HARS1: variants seen among roughly 807,000 people sequenced by gnomAD.
HARS1 encodes the protein histidyl-tRNA synthetase 1, also known as histidine--tRNA ligase, cytoplasmic.
HARS1 carries 45 observed loss-of-function variants against 63.6 expected under a neutral mutation model. The observed-to-expected ratio is 0.71, with a 90% CI of 0.56 to 0.91. The LOEUF is 0.91. Ranked by LOEUF, HARS1 falls within the 40% of genes least tolerant of loss-of-function variation. The pLI is 0.00. For missense variants in HARS1, 508 were observed against 643.2 expected (o/e 0.79, Z 2.27); for synonymous variants, 205 against 247.1 (o/e 0.83, Z 1.60).
intron 3 of HARS1, among the ~76,000 whole-genome samples, chr5:140,680,723 C>A (rs929151986): frequency 8.6e-5 from 13 of 151,960 alleles, no homozygotes; most frequent in African/African-American, 2.9e-4. Context: ...GGCATCTAAT[C>A]CCAGCTATTC....
Position 140,674,275 on chromosome 5 carries a change from C to T in HARS1, c.1512G>A (p.Gln504=), listed in dbSNP as rs368813043. The T allele has an allele frequency of 6.2e-7, 1 of 1,610,052 alleles. No homozygotes were observed. The highest frequency in any genetic ancestry group is 8.5e-7 in the Non-Finnish European group (1 of 1,176,228). ...LVEEIKRRTG[Q]PLCIC The stretch of plus-strand genomic sequence containing the variant: ...GTTCAGTTCAGCAGATGCAGAGGGG[C>T]TGGCCTGTTCTCCTTTTGATTTCCT... The change falls in exon 13 of 13, where the codon CAG becomes CAA. Residue 504 remains glutamine, a synonymous_variant. Transcript: ENST00000504156.
At position 140,677,950 on chromosome 5, in the gene HARS1, G is replaced by A. The variant is rs2230361; in HGVS notation, c.588C>T (p.Cys196=). The part of the protein sequence containing the change: ...IPDAECLKIM[C]EILSSLQIGD... ...CTATCTGAAGTGAACTCAGGATCTCGCACATGATCTTCAGGCACTCTGCAT... is the reference window on the plus strand; with the variant it reads ...CTATCTGAAGTGAACTCAGGATCTCACACATGATCTTCAGGCACTCTGCAT... The change falls in exon 6 of 13, where the codon TGC becomes TGT. Residue 196 remains cysteine (C), a synonymous_variant. Transcript: ENST00000504156. 124,436 of 1,610,300 alleles carry A rather than the reference G, an allele frequency of 0.077. 5,313 individuals carry two copies. The highest frequency in any genetic ancestry group is 0.11 in the Admixed American group (6,860 of 59,916).
intron 2 of HARS1, chr5:140,685,197 A>AAAG (rs1347017379): frequency 9.9e-5 from 15 of 151,868 alleles, no homozygotes. Flanking sequence ...AAAAAAAAAA[A>AAAG]AGAACAATTA....
Position 140,677,783 on chromosome 5 carries a change from G to C in HARS1, c.631-30C>G, listed in dbSNP as rs780709796. The C allele has an allele frequency of 3.4e-6, 5 of 1,490,212 alleles. No homozygotes were observed. The East Asian group carries it at 1.1e-4, about 34-fold the overall frequency. The allele number at this position is 1,490,212 out of a possible 1,614,324, so 92.3% of individuals were successfully genotyped here. A position where few individuals can be genotyped will look rare whatever the true frequency, so the allele number is the denominator to read the frequency against. On this transcript the variant is annotated intron_variant, in intron 6 of 12. Coordinates refer to ENST00000504156, the MANE Select transcript of HARS1 (RefSeq NM_002109.6). Reference sequence around the variant, plus strand: ...AAGGAACCAATGCATAGTGAGGGGGGAATCTCTTTTCTTACATGACCTGCA... The same window carrying C: ...AAGGAACCAATGCATAGTGAGGGGGCAATCTCTTTTCTTACATGACCTGCA...
intron 2 of HARS1, among the ~76,000 whole-genome samples, chr5:140,687,034 A>C (rs1759080325): frequency 6.6e-6 from 1 of 152,234 alleles, no homozygotes; most frequent in Non-Finnish European, 1.5e-5. Context: ...TAAGTTTGAA[A>C]AACCATAATT....
chr5:140,674,244 T>TA lies in HARS1; in HGVS notation c.*12dup, dbSNP rs751308211. On this transcript the variant is annotated 3_prime_UTR_variant, in exon 13 of 13. Coordinates refer to ENST00000504156, the MANE Select transcript of HARS1 (RefSeq NM_002109.6). ...GCCAGTCCCACTTCCTTTCCTCTGA[T>TA]AGTTTGTTCAGTTCAGCAGATGCAG... 5 of 1,545,790 alleles carry TA rather than the reference T, an allele frequency of 3.2e-6. No homozygotes were observed. The highest frequency in any genetic ancestry group is 2.7e-5 in the African/African-American group (2 of 73,566).
intron 3 of HARS1, 87 bp downstream of exon 3, chr5:140,683,013 T>C: frequency 7.6e-7 from 1 of 1,313,426 alleles, no homozygotes; most frequent in Non-Finnish European, 1.1e-6. Flanking sequence ...AGTGGGCCCT[T>C]TGGACCCTCA....
rs184748736 is a variant in HARS1 at position 140,683,234 on chromosome 5, C to G, written c.181-15G>C. On this transcript the variant is annotated splice_polypyrimidine_tract_variant and intron_variant, in intron 2 of 12. Transcript: ENST00000504156. ...TCTCTTGTGCCCTTGGAGTTGAAAT[C>G]AGCCAGAGAACCAGAAATGAGGTTT... 1,095 of 1,611,708 alleles carry G rather than the reference C, an allele frequency of 6.8e-4. 6 individuals are homozygous for G. In the African/African-American group the frequency reaches 0.013, roughly 19 times the overall value.
At chr5:140,680,630 G>C (rs538268537) in intron 3 of HARS1, among the ~76,000 whole-genome samples, 1 of 152,110 alleles carries the variant, frequency 6.6e-6, no homozygotes, top group African/African-American at 2.4e-5. Context: ...GATCACCTGA[G>C]GTCAGGAGTT....
In HARS1 at chr5:140,673,973, C is replaced by G. The variant is rs1346250392; in HGVS notation, c.*284G>C. The G allele has an allele frequency of 1.7e-6, 1 of 572,810 alleles. No homozygotes were observed. Among genetic ancestry groups the G allele is most frequent in the Admixed American group, 3.0e-5 (1 of 32,984 alleles). 35.5% of individuals were successfully genotyped at this position (572,810 alleles called of 1,614,324 possible). A position where few individuals can be genotyped will look rare whatever the true frequency, so the allele number is the denominator to read the frequency against. ...GGGGAGGCATCTGCTCCAACTGGTG[C>G]GGGGCCCTGCAGATGGGACCATCTC... On this transcript the variant is annotated 3_prime_UTR_variant, in exon 13 of 13. Coordinates refer to ENST00000504156, the MANE Select transcript of HARS1 (RefSeq NM_002109.6).
At chr5:140,684,962 T>A (rs1276411400) in intron 2 of HARS1, 1 of 152,210 alleles carries the variant, frequency 6.6e-6, no homozygotes, top group East Asian at 1.9e-4. Context: ...GATTCTCATA[T>A]GTGATTTTTG....
intron 3 of HARS1, among the ~76,000 whole-genome samples, chr5:140,680,237 C>T (rs1159485791): frequency 6.6e-6 from 1 of 151,550 alleles, no homozygotes; most frequent in African/African-American, 2.4e-5. Flanking sequence ...ACCTCTGACT[C>T]CGGGGTTCAA....
chr5:140,677,907 CCTTG>C lies in HARS1; in HGVS notation c.627_630del (p.Lys210Ter). Reference sequence around the variant, plus strand: ...GCCCTCCCAGCCTTGTCAGCTCTGACCTTGACCAGGAAGTCGCCTATCTGAAGTG... The same window carrying C: ...GCCCTCCCAGCCTTGTCAGCTCTGACACCAGGAAGTCGCCTATCTGAAGTG... On this transcript the variant is annotated frameshift_variant and splice_region_variant, in exon 6 of 13. Transcript: ENST00000504156. LOFTEE classifies it high-confidence loss of function. 1.3e-6 allele frequency: 2 copies of C among 1,595,692 alleles called. No homozygotes were observed. The highest frequency in any genetic ancestry group is 1.7e-6 in the Non-Finnish European group (2 of 1,163,436).
At position 140,674,141 on chromosome 5, in the gene HARS1, CTCTTCAGG is replaced by C. The variant is rs1428101046; in HGVS notation, c.*108_*115del. On this transcript the variant is annotated 3_prime_UTR_variant, in exon 13 of 13. Coordinates refer to ENST00000504156, the MANE Select transcript of HARS1 (RefSeq NM_002109.6). The stretch of plus-strand genomic sequence containing the variant: ...AAAATCAAAGGCTCTGTTCTGACCA[CTCTTCAGG>C]TCTTCCGCTGAAACGGAAAAGTGCA... The C allele has an allele frequency of 3.9e-6, 3 of 769,952 alleles. No individual in the cohort carries two copies. The highest frequency in any genetic ancestry group is 7.1e-6 in the Non-Finnish European group (3 of 420,248). The allele number at this position is 769,952 out of a possible 1,614,324, so 47.7% of individuals were successfully genotyped here.
rs2530239 is a variant in HARS1, at chr5:140,682,962, C to G, written c.300+138G>C. On this transcript the variant is annotated intron_variant, in intron 3 of 12. Transcript: ENST00000504156. The stretch of plus-strand genomic sequence containing the variant: ...TCTCCCTCCAAGCCATTCTTGTCCC[C>G]CTTCTTATTGGAGCAAAGACTGGTC... 3 of 722,832 alleles carry G rather than the reference C, an allele frequency of 4.2e-6. No individual in the cohort carries two copies. The highest frequency in any genetic ancestry group is 4.6e-6 in the Non-Finnish European group (2 of 438,126). 44.8% of individuals were successfully genotyped at this position (722,832 alleles called of 1,614,324 possible). A position where few individuals can be genotyped will look rare whatever the true frequency, so the allele number is the denominator to read the frequency against.
intron 2 of HARS1, among the ~76,000 whole-genome samples, chr5:140,686,708 C>G (rs898893518): frequency 2.0e-5 from 3 of 151,214 alleles, no homozygotes; most frequent in African/African-American, 7.3e-5. Context: ...TCAAGCGATT[C>G]TTGTGCCTTA....
In HARS1 at chr5:140,683,187, T is replaced by C; in HGVS notation, c.213A>G (p.Ala71=). The C allele has an allele frequency of 1.9e-6, 3 of 1,613,842 alleles. No individual in the cohort carries two copies. The highest frequency in any genetic ancestry group is 2.5e-6 in the Non-Finnish European group (3 of 1,179,668). Residue 71 remains alanine (A), a synonymous_variant, in exon 3 of 13, where the codon GCA becomes GCG. Coordinates refer to ENST00000504156, the MANE Select transcript of HARS1 (RefSeq NM_002109.6). ...GTRDYSPRQM[A]VREKVFDVII... is the part of the protein sequence containing the mutation. ...TTACGTCAAACACCTTCTCGCGAAC[T>C]GCCATCTGCCGGGGACTATAGTCTC...
intron 10 of HARS1, chr5:140,675,902 G>A (rs896854868): frequency 1.3e-5 from 2 of 152,214 alleles, no homozygotes; most frequent in African/African-American, 2.4e-5. Context: ...GGAAATGGGT[G>A]GTTTCCACCC....
At chr5:140,674,537 A>G in intron 12 of HARS1, 142 bp downstream of exon 12, 1 of 967,716 alleles carries the variant, frequency 1.0e-6, no homozygotes, top group Non-Finnish European at 1.6e-6. Context: ...TACTAAGACC[A>G]CAGTAACAGG....
Sources: allele counts gnomAD v4.1 joint callset (sites outside exome capture counted in the v4.1 genomes callset), GRCh38; gene constraint gnomAD v4.1.1; transcripts MANE v1.5; gene names NCBI Gene and HGNC (gene_info 2026-07-23, HGNC 2026-07-21).